Variants in RHOBTB1 observed in about 807,000 individuals in gnomAD.
RHOBTB1 encodes rho-related BTB domain-containing protein 1.
Under a neutral mutation model 71.6 loss-of-function variants are expected in RHOBTB1, and 40 were observed. The observed-to-expected ratio is 0.56, with a 90% CI of 0.43 to 0.73. The LOEUF (loss-of-function observed/expected upper bound fraction) is 0.73. Among genes scored for constraint, RHOBTB1 ranks in the 30% least tolerant of loss-of-function variants. The pLI is 0.00. For missense variants in RHOBTB1, 797 were observed against 894.0 expected (o/e 0.89, Z 1.38); for synonymous variants, 319 against 334.9 (o/e 0.95, Z 0.52).
At chr10:60,887,103 G>A (rs2081624849) in intron 6 of RHOBTB1, among the ~76,000 whole-genome samples, 1 of 150,168 alleles carries the variant, frequency 6.7e-6, no homozygotes, top group South Asian at 2.1e-4. Flanking sequence ...ATCCAATTGA[G>A]ACTCCCACAT....
At chr10:61,000,678 T>A (rs947348298) in intron 1 of RHOBTB1, among the ~76,000 whole-genome samples, 2 of 152,164 alleles carry the variant, frequency 1.3e-5, no homozygotes, top group Admixed American at 6.5e-5. Flanking sequence ...CATTTTTTTT[T>A]AATTCCCAAG....
chr10:60,970,193 A>G (rs973393896), intron 2 of RHOBTB1, among the ~76,000 whole-genome samples: 8 of 152,134 alleles, frequency 5.3e-5, no homozygotes, highest in African/African-American at 1.7e-4. Context: ...TGTCAATGCT[A>G]TAATTAAAAA....
upstream of RHOBTB1, among the ~76,000 whole-genome samples, chr10:60,945,960 A>G (rs762185361): frequency 2.6e-5 from 4 of 152,152 alleles, no homozygotes; most frequent in Non-Finnish European, 5.9e-5. Flanking sequence ...CGCGCGGATC[A>G]CGAGGTCAGG....
upstream of RHOBTB1, among the ~76,000 whole-genome samples, chr10:61,001,858 A>G (rs1386348880): frequency 6.6e-6 from 1 of 152,196 alleles, no homozygotes; most frequent in Non-Finnish European, 1.5e-5. Flanking sequence ...AGGCCTCCCC[A>G]GGACCCACCC....
rs759314716 is a variant in RHOBTB1 at position 60,877,887 on chromosome 10, G to A, written c.1726+21C>T. On this transcript the variant is annotated intron_variant, in intron 8 of 10. Coordinates refer to ENST00000337910, the MANE Select transcript of RHOBTB1 (RefSeq NM_014836.5). Reference sequence around the variant, plus strand: ...TGACAAATATGACAGACACTGCATGGCCCTGAGTCATCATCCTTACCTGCA... The same window carrying A: ...TGACAAATATGACAGACACTGCATGACCCTGAGTCATCATCCTTACCTGCA... 28 of 1,608,388 alleles carry A rather than the reference G, an allele frequency of 1.7e-5. No individual in the cohort carries two copies. The South Asian group carries it at 3.1e-4, about 18-fold the overall frequency.
chr10:60,865,227 T>G (rs773362683), downstream of RHOBTB1, among the ~76,000 whole-genome samples: 1 of 152,188 alleles, frequency 6.6e-6, no homozygotes, highest in Non-Finnish European at 1.5e-5. Flanking sequence ...GTTTTAACAA[T>G]CTCCAAAATT....
chr10:60,909,239 C>T (rs916495503), intron 4 of RHOBTB1, among the ~76,000 whole-genome samples: 2 of 152,204 alleles, frequency 1.3e-5, no homozygotes, highest in African/African-American at 4.8e-5. Flanking sequence ...CTTTTATTAC[C>T]ACCACACCAG....
chr10:60,868,699 C>T (rs1165843650), downstream of RHOBTB1, among the ~76,000 whole-genome samples: 4 of 152,208 alleles, frequency 2.6e-5, no homozygotes, highest in East Asian at 7.7e-4. Flanking sequence ...AAAAAGAATG[C>T]CAACATAAGG....
rs148490200 is a variant in RHOBTB1 at position 60,942,115 on chromosome 10, A to G, written c.-61-261T>C. 2.7e-4 allele frequency among the ~76,000 whole-genome samples: 41 copies of G among 152,330 alleles called. No individual in the cohort carries two copies. In the East Asian group the frequency reaches 6.2e-3, roughly 23 times the overall value. On this transcript the variant is annotated intron_variant, in intron 1 of 10. Coordinates refer to ENST00000337910, the MANE Select transcript of RHOBTB1 (RefSeq NM_014836.5). ...ACGATACCAAAAAAACAAACAAAACAAAACAAAACCCTAAAAACATTTGGC... is the reference window on the plus strand; with the variant it reads ...ACGATACCAAAAAAACAAACAAAACGAAACAAAACCCTAAAAACATTTGGC...
At chr10:60,921,773 A>T (rs2083577105) in intron 2 of RHOBTB1, among the ~76,000 whole-genome samples, 1 of 152,204 alleles carries the variant, frequency 6.6e-6, no homozygotes, top group Non-Finnish European at 1.5e-5. Flanking sequence ...GTGGCCTTGA[A>T]AGCAGCAGCG....
intron 5 of RHOBTB1, among the ~76,000 whole-genome samples, chr10:60,892,383 T>C (rs921491693): frequency 3.9e-5 from 6 of 152,170 alleles, no homozygotes; most frequent in African/African-American, 1.2e-4. Context: ...ATAAGGAAGA[T>C]GAAAAACCCT....
intron 3 of RHOBTB1, 126 bp from the exon 4 acceptor site, chr10:60,911,116 G>C (rs947499712): frequency 1.2e-6 from 1 of 805,366 alleles, no homozygotes. Context: ...TCTATCTGAC[G>C]GGATTTAAGC....
chr10:61,001,760 A>T (rs886378931), upstream of RHOBTB1, among the ~76,000 whole-genome samples: 4 of 151,944 alleles, frequency 2.6e-5, no homozygotes, highest in African/African-American at 9.7e-5. Flanking sequence ...TCCTACTGGG[A>T]CCCCGGTCTT....
intron 2 of RHOBTB1, among the ~76,000 whole-genome samples, chr10:60,913,397 T>C (rs2083094976): frequency 6.6e-6 from 1 of 152,186 alleles, no homozygotes; most frequent in South Asian, 2.1e-4. Context: ...CTGAACATCC[T>C]GGGTGGGGAA....
At chr10:60,973,628 T>G (rs140825971) in intron 2 of RHOBTB1, among the ~76,000 whole-genome samples, 3 of 152,098 alleles carry the variant, frequency 2.0e-5, no homozygotes, top group Non-Finnish European at 4.4e-5. Context: ...AGAAGGCCCA[T>G]GAAGCAATAC....
At chr10:60,949,958 A>G (rs1044905817) in intron 2 of RHOBTB1, among the ~76,000 whole-genome samples, 1 of 152,174 alleles carries the variant, frequency 6.6e-6, no homozygotes, top group African/African-American at 2.4e-5. Context: ...GTTTACCTAA[A>G]GTCCTTTCTG....
intron 2 of RHOBTB1, among the ~76,000 whole-genome samples, chr10:60,955,043 C>CA (rs2085538918): frequency 8.9e-6 from 1 of 112,838 alleles, no homozygotes; most frequent in Non-Finnish European, 1.8e-5. Context: ...TTCTTTCTTT[C>CA]TTTTTTTTTT....
At chr10:60,910,759 G>T in intron 4 of RHOBTB1, 128 bp downstream of exon 4, 1 of 601,840 alleles carries the variant, frequency 1.7e-6, no homozygotes, top group Non-Finnish European at 2.9e-6. Flanking sequence ...CCTTTTCTTA[G>T]ACACAGTGCA....
At chr10:60,943,950 C>G (rs1401452518) in intron 1 of RHOBTB1, 21 bp downstream of exon 1, 1 of 151,928 alleles carries the variant, frequency 6.6e-6, no homozygotes, top group Non-Finnish European at 1.5e-5. Context: ...TAGCATAGAG[C>G]ACTCACGACA....
Sources: gnomAD v4.1 joint callset for allele counts (sites outside exome capture counted in the v4.1 genomes callset) on GRCh38, gnomAD v4.1.1 for gene constraint, MANE v1.5 for transcripts, NCBI Gene and HGNC (gene_info 2026-07-23, HGNC 2026-07-21) for gene names.